The following CUEDC1 variants were observed in gnomAD, a reference collection of about 807,000 sequenced individuals.
CUEDC1 encodes CUE domain containing 1, also known as CUE domain-containing protein 1.
In CUEDC1, 30 loss-of-function variants were observed where a neutral mutation model predicts 43.7. The ratio of observed to expected loss-of-function variants is 0.69; its 90% CI spans 0.51 to 0.93. CUEDC1 has a LOEUF of 0.93. CUEDC1 is among the 40% of genes least tolerant of loss of function. The pLI, the probability that CUEDC1 is intolerant of heterozygous loss-of-function variation, is 0.00. For synonymous variants in CUEDC1, 223 were observed against 223.6 expected (o/e 1.00, Z 0.02); for missense variants, 486 against 549.0 (o/e 0.89, Z 1.15).
intron 1 of CUEDC1, among the ~76,000 whole-genome samples, chr17:57,912,176 G>A (rs1332081251): frequency 1.3e-5 from 2 of 152,194 alleles, no homozygotes; most frequent in African/African-American, 4.8e-5. Flanking sequence ...GGCCCCAGTT[G>A]CAGGTGCTGG....
At chr17:57,892,516 C>T in intron 1 of CUEDC1, 1 of 152,488 alleles carries the variant, frequency 6.6e-6, no homozygotes, top group Non-Finnish European at 1.5e-5. Context: ...TGTCTCTGTG[C>T]ACCCCAGGCT....
rs1215766538 is a variant in CUEDC1, at chr17:57,862,155, G to C, written c.*1134C>G. On this transcript the variant is annotated 3_prime_UTR_variant, in exon 11 of 11. Transcript: ENST00000577830. ...CTTCCCGGCTCTCCGGAAGGTCTGC[G>C]CGCTCCCATGTCCAGGGCGGGGCCA... The C allele has an allele frequency of 6.6e-6, 1 of 152,348 alleles. No homozygotes were observed. The highest frequency in any genetic ancestry group is 2.1e-4 in the South Asian group (1 of 4,836). 9.4% of individuals were successfully genotyped at this position (152,348 alleles called of 1,614,324 possible).
At chr17:57,865,056 CAAAA>C (rs1208984828) in intron 10 of CUEDC1, among the ~76,000 whole-genome samples, 1 of 147,342 alleles carries the variant, frequency 6.8e-6, no homozygotes, top group Non-Finnish European at 1.5e-5. Context: ...GACTCTGTCT[CAAAA>C]TGAATGAATG....
chr17:57,879,465 T>C, intron 3 of CUEDC1, 146 bp downstream of exon 3: 1 of 1,110,426 alleles, frequency 9.0e-7, no homozygotes, highest in South Asian at 2.1e-5. Context: ...CCTTGGTATC[T>C]AGCTAAAATG....
intron 2 of CUEDC1, among the ~76,000 whole-genome samples, chr17:57,882,146 C>T (rs1366744168): frequency 6.6e-5 from 10 of 152,172 alleles, no homozygotes; most frequent in Admixed American, 5.2e-4. Context: ...GGCAAGGATA[C>T]CCCTCGGGCC....
intron 2 of CUEDC1, among the ~76,000 whole-genome samples, chr17:57,883,430 G>C (rs548036796): frequency 4.6e-5 from 7 of 152,364 alleles, no homozygotes; most frequent in African/African-American, 1.7e-4. Flanking sequence ...GATTAGAAGA[G>C]ATGACACATC....
intron 1 of CUEDC1, among the ~76,000 whole-genome samples, chr17:57,890,199 G>A (rs1445221830): frequency 6.6e-6 from 1 of 152,224 alleles, no homozygotes; most frequent in Non-Finnish European, 1.5e-5. Flanking sequence ...GGCAAAAAAT[G>A]CCAAGTAAGG....
intron 1 of CUEDC1, among the ~76,000 whole-genome samples, chr17:57,919,238 G>T (rs1441740371): frequency 6.6e-6 from 1 of 151,932 alleles, no homozygotes; most frequent in African/African-American, 2.4e-5. Flanking sequence ...GGAGTACAAT[G>T]GCGCGATCTC....
chr17:57,904,755 C>T (rs910838497), intron 1 of CUEDC1, among the ~76,000 whole-genome samples: 4 of 152,094 alleles, frequency 2.6e-5, no homozygotes, highest in South Asian at 2.1e-4. Flanking sequence ...GTGGGGGGAT[C>T]GCCCTACCGT....
rs2073977501 is a variant in CUEDC1, at chr17:57,867,514, AG to A, written c.1035-100del. On this transcript the variant is annotated intron_variant, in intron 8 of 10. Transcript: ENST00000577830. ...TCTGCCCCACCCCTCAAAGCTCTGG[AG>A]GTACCTGACACACCCACCTGACCCC... 30 of 1,137,330 alleles carry A rather than the reference AG, an allele frequency of 2.6e-5. No homozygotes were observed. The South Asian group carries it at 4.0e-4, about 15-fold the overall frequency. The allele number at this position is 1,137,330 out of a possible 1,614,324, so 70.5% of individuals were successfully genotyped here. A position where few individuals can be genotyped will look rare whatever the true frequency, so the allele number is the denominator to read the frequency against.
chr17:57,883,049 C>T (rs2144959097), intron 2 of CUEDC1, among the ~76,000 whole-genome samples: 1 of 152,276 alleles, frequency 6.6e-6, no homozygotes, highest in Non-Finnish European at 1.5e-5. Context: ...CATACATACG[C>T]ATACTCTCAC....
intron 2 of CUEDC1, among the ~76,000 whole-genome samples, chr17:57,880,460 T>C (rs527505771): frequency 1.1e-4 from 17 of 152,256 alleles, no homozygotes; most frequent in African/African-American, 4.1e-4. Context: ...CACACTCAGG[T>C]TGGACTCTCA....
At chr17:57,931,320 G>A (rs9901012) in intron 1 of CUEDC1, among the ~76,000 whole-genome samples, 9,639 of 151,996 alleles carry the variant, frequency 0.063, 1,050 homozygotes, top group African/African-American at 0.22. Flanking sequence ...CAAAAAAAGA[G>A]GGAGAGGTAC....
At chr17:57,894,282 G>A (rs896025546) in intron 1 of CUEDC1, among the ~76,000 whole-genome samples, 1 of 152,196 alleles carries the variant, frequency 6.6e-6, no homozygotes, top group Admixed American at 6.5e-5. Flanking sequence ...AGCTGTGCAG[G>A]CTGGGCATGG....
chr17:57,946,970 C>G (rs1030268072), intron 1 of CUEDC1, among the ~76,000 whole-genome samples: 7 of 152,022 alleles, frequency 4.6e-5, no homozygotes, highest in Non-Finnish European at 1.0e-4. Context: ...TGAAACTCCC[C>G]CAGCTGACCC....
intron 1 of CUEDC1, among the ~76,000 whole-genome samples, chr17:57,901,419 C>G (rs1277446157): frequency 6.6e-6 from 1 of 152,194 alleles, no homozygotes; most frequent in East Asian, 1.9e-4. Flanking sequence ...AATACCTTAC[C>G]TCTGGCTCTA....
intron 1 of CUEDC1, among the ~76,000 whole-genome samples, chr17:57,897,177 C>T (rs1481716090): frequency 1.3e-5 from 2 of 149,980 alleles, no homozygotes; most frequent in African/African-American, 2.4e-5. Flanking sequence ...TTTCTATATA[C>T]TTGGCATGCA....
Position 57,873,779 on chromosome 17 carries a change from C to T in CUEDC1, c.465-62G>A, listed in dbSNP as rs181157514. On this transcript the variant is annotated intron_variant, in intron 3 of 10. Coordinates refer to ENST00000577830, the MANE Select transcript of CUEDC1 (RefSeq NM_001271875.2). ...TAAGCCCAACCCCAGGTCTCCTGGC[C>T]CCATCACACCAGGTCCTCAGGCAGG... 621 of 1,455,300 alleles carry T rather than the reference C, an allele frequency of 4.3e-4. 2 individuals carry two copies. The African/African-American group carries it at 8.5e-3, about 20-fold the overall frequency. 90.1% of individuals were successfully genotyped at this position (1,455,300 alleles called of 1,614,324 possible). A position where few individuals can be genotyped will look rare whatever the true frequency, so the allele number is the denominator to read the frequency against.
At position 57,909,977 on chromosome 17, in the gene CUEDC1, G is replaced by GGTTTT. The variant is rs368588325; in HGVS notation, c.-315-24103_-315-24099dup. 7.8e-3 allele frequency among the ~76,000 whole-genome samples: 1,189 copies of GGTTTT among 152,252 alleles called. 8 individuals are homozygous for GGTTTT. Among genetic ancestry groups the GGTTTT allele is most frequent in the African/African-American group, 0.019 (785 of 41,544 alleles). ...ACACAATGACTGGGTGTTTGGTTCT[G>GGTTTT]GTTTTGTTTTGTTTTGTTTTGTTTT... On this transcript the variant is annotated intron_variant, in intron 1 of 10. Coordinates refer to ENST00000577830, the MANE Select transcript of CUEDC1 (RefSeq NM_001271875.2).
Sources: allele counts gnomAD v4.1 joint callset (sites outside exome capture counted in the v4.1 genomes callset), GRCh38; gene constraint gnomAD v4.1.1; transcripts MANE v1.5; gene names NCBI Gene and HGNC (gene_info 2026-07-23, HGNC 2026-07-21).